Variants in SPO11 observed in about 807,000 individuals in gnomAD.
The protein encoded by SPO11 is meiotic recombination protein SPO11.
Under a neutral mutation model 51.6 loss-of-function variants are expected in SPO11, and 49 were observed. The observed-to-expected ratio is 0.95, with a 90% CI of 0.75 to 1.20. The LOEUF is 1.20. SPO11 is among the 50% of genes most tolerant of loss of function. The pLI is 0.00. For missense variants in SPO11, 431 were observed against 473.4 expected, an observed-to-expected ratio of 0.91 and a Z score of 0.83; for synonymous variants, 176 against 158.2, an observed-to-expected ratio of 1.11 and a Z score of -0.84.
In SPO11 at chr20:57,338,338, T is replaced by C. The variant is rs759737151; in HGVS notation, c.807T>C (p.His269=). 1.9e-6 allele frequency: 3 copies of C among 1,613,970 alleles called. No homozygotes were observed. Among genetic ancestry groups the C allele is most frequent in the Non-Finnish European group, 2.5e-6 (3 of 1,179,880 alleles). The change falls in exon 9 of 13, where the codon CAT becomes CAC. Residue 269 remains histidine, a synonymous_variant. Transcript: ENST00000371263. ...TCAAGAAACTGTGGGATACATTTCA[T>C]GTTCCTGTTTTCACTCTTGTAGATG... ...LLVKKLWDTF[H]VPVFTLVDAD...
rs1029234466 is a variant in SPO11 at position 57,334,096 on chromosome 20, G to T, written c.510+1G>T. ...AGTGTCAAGGAGGAGTCTACATATA[G>T]TAAGTAGTACCTAATACAAAACATT... On this transcript the variant is annotated splice_donor_variant, in intron 5 of 12. Coordinates refer to ENST00000371263, the MANE Select transcript of SPO11 (RefSeq NM_012444.3). LOFTEE classifies it high-confidence loss of function. The T allele has an allele frequency of 7.3e-7, 1 of 1,378,752 alleles. No homozygotes were observed. Among genetic ancestry groups the T allele is most frequent in the Non-Finnish European group, 1.0e-6 (1 of 991,602 alleles). The allele number at this position is 1,378,752 out of a possible 1,614,324, so 85.4% of individuals were successfully genotyped here.
At chr20:57,335,485 C>G in intron 7 of SPO11, 30 bp downstream of exon 7, 1 of 1,597,320 alleles carries the variant, frequency 6.3e-7, no homozygotes, top group Non-Finnish European at 8.5e-7. Context: ...ACTATTTAAA[C>G]TTTTGGAATG....
In SPO11 at chr20:57,334,851, TG is replaced by T. The variant is rs765459923; in HGVS notation, c.597+16del. 1 of 1,610,510 alleles carries T rather than the reference TG, an allele frequency of 6.2e-7. No homozygotes were observed. The highest frequency in any genetic ancestry group is 8.5e-7 in the Non-Finnish European group (1 of 1,177,380). The stretch of plus-strand genomic sequence containing the variant: ...GTGGTGCAACGGTAAGAAGCATCAT[TG>T]AAGTTTTCACAGCTTTAACTCTTCT... On this transcript the variant is annotated intron_variant, in intron 6 of 12. Coordinates refer to ENST00000371263, the MANE Select transcript of SPO11 (RefSeq NM_012444.3).
intron 8 of SPO11, among the ~76,000 whole-genome samples, chr20:57,337,978 C>T (rs1176240674): frequency 6.6e-6 from 1 of 152,172 alleles, no homozygotes; most frequent in Non-Finnish European, 1.5e-5. Flanking sequence ...ACTTCTGCCT[C>T]CTAGGTTCAA....
chr20:57,343,319 T>A, intron 12 of SPO11, 22 bp from the exon 13 acceptor site: 2 of 1,603,102 alleles, frequency 1.2e-6, no homozygotes, highest in Non-Finnish European at 1.7e-6. Context: ...CTGGTATGAG[T>A]ACATTTTACT....
chr20:57,332,038 T>G (rs2066456503), intron 2 of SPO11, 92 bp downstream of exon 2: 2 of 749,464 alleles, frequency 2.7e-6, no homozygotes, highest in Admixed American at 3.0e-5. Context: ...TTTTTTCATT[T>G]TATTGCCTTT....
chr20:57,343,549 A>G lies in SPO11; in HGVS notation c.*89A>G, dbSNP rs1024608992. ...TACTATTGTGGAAAGAACATATATTATATTCTTAATTCTGTAAAAGTGAAA... is the reference window on the plus strand; with the variant it reads ...TACTATTGTGGAAAGAACATATATTGTATTCTTAATTCTGTAAAAGTGAAA... On this transcript the variant is annotated 3_prime_UTR_variant, in exon 13 of 13. Coordinates refer to ENST00000371263, the MANE Select transcript of SPO11 (RefSeq NM_012444.3). 7.7e-7 allele frequency: 1 copy of G among 1,291,966 alleles called. No individual in the cohort carries two copies. The allele number at this position is 1,291,966 out of a possible 1,614,324, so 80.0% of individuals were successfully genotyped here.
At chr20:57,341,875 T>A (rs1194914783) in intron 11 of SPO11, among the ~76,000 whole-genome samples, 2 of 152,174 alleles carry the variant, frequency 1.3e-5, no homozygotes, top group Non-Finnish European at 2.9e-5. Context: ...TCCAAATGAA[T>A]ATACGATCAA....
In SPO11 at chr20:57,338,277, G is replaced by A. The variant is rs761410004; in HGVS notation, c.746G>A (p.Gly249Glu). The change falls in exon 9 of 13, where the codon GGA becomes GAA. Residue 249 changes from glycine (G) to glutamate (E), a missense_variant and splice_region_variant. Transcript: ENST00000371263. ...TCTTAATTTTCATCTTCCTTTTAGG[G>A]AAAGGGAGTTCCTGATCTAAACACA... is the stretch of plus-strand genomic sequence containing the variant. ...NKLSPCIMIT[G>E]KGVPDLNTRL... 1 of 1,604,006 alleles carries A rather than the reference G, an allele frequency of 6.2e-7. No homozygotes were observed. The highest frequency in any genetic ancestry group is 8.5e-7 in the Non-Finnish European group (1 of 1,172,426).
At position 57,333,688 on chromosome 20, in the gene SPO11, T is replaced by A; in HGVS notation, c.336T>A (p.Ser112=). Residue 112 remains serine (S), a splice_region_variant and synonymous_variant, in exon 4 of 13, where the codon TCT becomes TCA. Coordinates refer to ENST00000371263, the MANE Select transcript of SPO11 (RefSeq NM_012444.3). ...TGTTTGTTGAATTTTATTTTCCAGC[T>A]CTAATCCTTAAAATATTGTCCATGA... ...SDSPKSAQKF[S]LILKILSMIY... The A allele has an allele frequency of 6.8e-7, 1 of 1,480,708 alleles. No individual in the cohort carries two copies. The highest frequency in any genetic ancestry group is 2.3e-5 in the East Asian group (1 of 43,854). The allele number at this position is 1,480,708 out of a possible 1,614,324, so 91.7% of individuals were successfully genotyped here. A position where few individuals can be genotyped will look rare whatever the true frequency, so the allele number is the denominator to read the frequency against.
chr20:57,339,337 A>C (rs2066551721), intron 10 of SPO11, among the ~76,000 whole-genome samples: 1 of 152,116 alleles, frequency 6.6e-6, no homozygotes, highest in South Asian at 2.1e-4. Context: ...TGATCACCAA[A>C]TATACTCGAA....
chr20:57,332,006 T>A, intron 2 of SPO11, 60 bp downstream of exon 2: 1 of 1,015,302 alleles, frequency 9.8e-7, no homozygotes, highest in South Asian at 1.9e-5. Context: ...TAAAATTATT[T>A]GAATTAGAGT....
intron 11 of SPO11, among the ~76,000 whole-genome samples, chr20:57,342,307 A>G (rs2066592209): frequency 6.6e-6 from 1 of 152,368 alleles, no homozygotes; most frequent in South Asian, 2.1e-4. Context: ...TCCCTCAGTG[A>G]ATCTCAGCCG....
chr20:57,330,135 T>A, intron 1 of SPO11, 137 bp downstream of exon 1: 1 of 1,284,178 alleles, frequency 7.8e-7, no homozygotes, highest in Non-Finnish European at 1.0e-6. Flanking sequence ...CCCAAAAAGA[T>A]CCTTCCTGAG....
intron 11 of SPO11, among the ~76,000 whole-genome samples, chr20:57,342,401 C>T (rs1387595014): frequency 6.6e-6 from 1 of 152,210 alleles, no homozygotes; most frequent in Non-Finnish European, 1.5e-5. Context: ...GCCCTGGTAT[C>T]TGTATACCTG....
rs772768747 is a variant in SPO11 at position 57,343,494 on chromosome 20, C to T, written c.*34C>T. 11 of 1,566,470 alleles carry T rather than the reference C, an allele frequency of 7.0e-6. No individual in the cohort carries two copies. Among genetic ancestry groups the T allele is most frequent in the Non-Finnish European group, 9.5e-6 (11 of 1,163,042 alleles). The stretch of plus-strand genomic sequence containing the variant: ...CAGAAGAACTTCTGATTGCCAGAGG[C>T]TTTTCATTAGTTTTGTTTTGATTGG... On this transcript the variant is annotated 3_prime_UTR_variant, in exon 13 of 13. Transcript: ENST00000371263.
chr20:57,338,373 A>G lies in SPO11; in HGVS notation c.842A>G (p.His281Arg). 2 of 1,593,108 alleles carry G rather than the reference A, an allele frequency of 1.3e-6. No homozygotes were observed. The highest frequency in any genetic ancestry group is 1.1e-5 in the South Asian group (1 of 90,484). The change falls in exon 9 of 13, where the codon CAT becomes CGT. Residue 281 changes from histidine to arginine, a missense_variant and splice_region_variant. Physicochemically the swap from His to Arg is conservative, Grantham distance 29. Transcript: ENST00000371263. The stretch of plus-strand genomic sequence containing the variant: ...TTCACTCTTGTAGATGCTGATCCAC[A>G]TGGTAATTTATCACTGGACTATTTA... ...PVFTLVDADP[H>R]GIEIMCIYKY...
At chr20:57,334,134 A>C in intron 5 of SPO11, 39 bp downstream of exon 5, 1 of 1,115,980 alleles carries the variant, frequency 9.0e-7, no homozygotes, top group Non-Finnish European at 1.3e-6. Context: ...ATTTTAAAAC[A>C]AAATGTTTGT....
chr20:57,331,278 C>T (rs904531394), intron 1 of SPO11, among the ~76,000 whole-genome samples: 2 of 152,266 alleles, frequency 1.3e-5, no homozygotes, highest in South Asian at 2.1e-4. Flanking sequence ...AGTGATTAAA[C>T]GTTTTCCTTT....
Sources: allele counts gnomAD v4.1 joint callset (sites outside exome capture counted in the v4.1 genomes callset), GRCh38; gene constraint gnomAD v4.1.1; transcripts MANE v1.5; gene names NCBI Gene and HGNC (gene_info 2026-07-23, HGNC 2026-07-21).